The following TLN2 variants were observed in gnomAD, a reference collection of about 807,000 sequenced individuals.
TLN2 encodes the protein talin-2.
TLN2 carries 118 observed loss-of-function variants against 294.7 expected under a neutral mutation model. The ratio of observed to expected loss-of-function variants is 0.40; its 90% CI spans 0.34 to 0.47. The LOEUF (loss-of-function observed/expected upper bound fraction) is 0.47. Among genes scored for constraint, TLN2 ranks in the 20% least tolerant of loss-of-function variants. The probability of loss-of-function intolerance (pLI) is 0.84; values close to 1 mark genes in which losing one functional copy is unlikely to be tolerated. For synonymous variants in TLN2, 1,431 were observed against 1,304.5 expected (o/e 1.10, Z -2.09); for missense variants, 3,083 against 3,282.2 (o/e 0.94, Z 1.48).
At chr15:62,795,152 A>T (rs767259974) in intron 46 of TLN2, among the ~76,000 whole-genome samples, 39 of 152,158 alleles carry the variant, frequency 2.6e-4, no homozygotes, top group Non-Finnish European at 4.4e-4. Context: ...AGGATGATAC[A>T]TCCGTGCTTG....
chr15:62,406,521 G>C (rs2033416125), intron 1 of TLN2, among the ~76,000 whole-genome samples: 2 of 152,208 alleles, frequency 1.3e-5, no homozygotes, highest in Non-Finnish European at 1.5e-5. Context: ...TAGCAGCTCA[G>C]GGCAGTTTTG....
chr15:62,674,011 A>C (rs2055822637), intron 10 of TLN2, 121 bp downstream of exon 10: 1 of 624,716 alleles, frequency 1.6e-6, no homozygotes, highest in Non-Finnish European at 2.7e-6. Flanking sequence ...ATAATAAATG[A>C]TTAGTGACTC....
In TLN2 at chr15:62,776,862, G is replaced by A; in HGVS notation, c.5466G>A (p.Val1822=). The change falls in exon 43 of 59, where the codon GTG becomes GTA. Residue 1822 remains valine, a synonymous_variant. Transcript: ENST00000636159. ...MVTLNEAASE[V]GLVGGMVDAI... The stretch of plus-strand genomic sequence containing the variant: ...CGCTGAACGAAGCTGCCAGTGAAGT[G>A]GGGCTGGTTGGGGGCATGGTGGACG... 3 of 1,599,192 alleles carry A rather than the reference G, an allele frequency of 1.9e-6. No homozygotes were observed. Among genetic ancestry groups the A allele is most frequent in the African/African-American group, 1.4e-5 (1 of 73,972 alleles).
At chr15:62,417,115 G>A (rs1303017985) in intron 1 of TLN2, among the ~76,000 whole-genome samples, 2 of 152,118 alleles carry the variant, frequency 1.3e-5, no homozygotes, top group African/African-American at 4.8e-5. Context: ...GCACCCTTTG[G>A]CAAGGTCACC....
At chr15:62,453,258 ATT>A (rs35433926) in intron 1 of TLN2, among the ~76,000 whole-genome samples, 291 of 143,346 alleles carry the variant, frequency 2.0e-3, no homozygotes, top group Middle Eastern at 3.6e-3. Context: ...TTGTCAACCT[ATT>A]TTTTTTTTTT....
intron 1 of TLN2, among the ~76,000 whole-genome samples, chr15:62,495,473 A>G (rs755924744): frequency 7.2e-5 from 11 of 152,208 alleles, no homozygotes; most frequent in Non-Finnish European, 1.5e-4. Context: ...GATTAGGGGT[A>G]AAGTGGGACC....
At position 62,647,399 on chromosome 15, in the gene TLN2, C is replaced by T. The variant is rs182556346; in HGVS notation, c.89C>T (p.Ala30Val). 6.2e-5 allele frequency: 100 copies of T among 1,614,190 alleles called. No homozygotes were observed. In the Admixed American group the frequency reaches 9.2e-4, roughly 15 times the overall value. Residue 30 changes from alanine (A) to valine (V), a missense_variant, in exon 4 of 59, where the codon GCG (alanine) becomes GTG (valine). Ala to Val is a moderately conservative substitution (Grantham distance 64). Transcript: ENST00000636159. Reference protein sequence around the residue: ...QFEPSTAVYDACRVIRERVPE... With the variant: ...QFEPSTAVYDVCRVIRERVPE... ...GAACCATCTACAGCTGTGTACGATG[C>T]GTGTCGAGTCATTCGGGAACGGGTG... is the stretch of plus-strand genomic sequence containing the variant.
At chr15:62,699,259 A>G (rs572528491) in intron 16 of TLN2, among the ~76,000 whole-genome samples, 1 of 152,310 alleles carries the variant, frequency 6.6e-6, no homozygotes, top group African/African-American at 2.4e-5. Flanking sequence ...CCCCTCGCAC[A>G]TAGTAAGAGC....
rs1166396798 is a variant in TLN2, at chr15:62,530,510, C to T, written c.-237-59177C>T. ...TAGTTGGGATTACAGGCACGCGCCA[C>T]CATGCCCGGCTAATTTTTGTATTTT... On this transcript the variant is annotated intron_variant, in intron 1 of 58. Coordinates refer to ENST00000636159, the MANE Select transcript of TLN2 (RefSeq NM_015059.3). 2.0e-5 allele frequency among the ~76,000 whole-genome samples: 3 copies of T among 152,132 alleles called. No individual in the cohort carries two copies. The East Asian group carries it at 5.8e-4, about 29-fold the overall frequency.
chr15:62,429,765 C>A (rs2034915375), intron 1 of TLN2, among the ~76,000 whole-genome samples: 1 of 152,176 alleles, frequency 6.6e-6, no homozygotes, highest in African/African-American at 2.4e-5. Flanking sequence ...ATACCAGAAA[C>A]TTTCTAGAAG....
chr15:62,583,526 A>G (rs1382874455), intron 1 of TLN2, among the ~76,000 whole-genome samples: 1 of 151,972 alleles, frequency 6.6e-6, no homozygotes, highest in Non-Finnish European at 1.5e-5. Flanking sequence ...ATTACAAAAG[A>G]TGGGAGACTA....
At chr15:62,520,192 T>C (rs1021715499) in intron 1 of TLN2, among the ~76,000 whole-genome samples, 1 of 152,250 alleles carries the variant, frequency 6.6e-6, no homozygotes, top group East Asian at 1.9e-4. Flanking sequence ...TGAGATTTGT[T>C]AGGGACACAG....
At position 62,417,683 on chromosome 15, in the gene TLN2, G is replaced by C. The variant is rs1037588994; in HGVS notation, c.-238+26998G>C. Among the ~76,000 whole-genome samples, 8 of 152,176 alleles carry C rather than the reference G, an allele frequency of 5.3e-5. 1 individual carries two copies. Among genetic ancestry groups the C allele is most frequent in the Admixed American group, 5.2e-4 (8 of 15,278 alleles). On this transcript the variant is annotated intron_variant, in intron 1 of 58. Coordinates refer to ENST00000636159, the MANE Select transcript of TLN2 (RefSeq NM_015059.3). ...GTTTGTGAATTTAGAGCTAAGAAAA[G>C]CTTCTCAGGGCTACAGGCTCTGGTG... is the stretch of plus-strand genomic sequence containing the variant.
At chr15:62,813,016 C>A (rs1415634335) in intron 52 of TLN2, among the ~76,000 whole-genome samples, 8 of 152,186 alleles carry the variant, frequency 5.3e-5, no homozygotes, top group African/African-American at 1.9e-4. Context: ...GGGAGACCCA[C>A]CATCACAGGT....
At position 62,736,966 on chromosome 15, in the gene TLN2, C is replaced by T. The variant is rs376384348; in HGVS notation, c.3447C>T (p.Ala1149=). The T allele has an allele frequency of 9.5e-5, 153 of 1,614,046 alleles. No homozygotes were observed. The highest frequency in any genetic ancestry group is 1.2e-4 in the Non-Finnish European group (136 of 1,180,044). The stretch of plus-strand genomic sequence containing the variant: ...CTGCATCGACAACCGACCCCGCGGC[C>T]GCCCATGCCATGTTAGATTCTGCTC... ...GVAASTTDPA[A]AHAMLDSARD... Residue 1149 remains alanine, a synonymous_variant, in exon 29 of 59, where the codon GCC becomes GCT. Coordinates refer to ENST00000636159, the MANE Select transcript of TLN2 (RefSeq NM_015059.3).
rs117827458 is a variant in TLN2, at chr15:62,428,891, C to T, written c.-238+38206C>T. Among the ~76,000 whole-genome samples, 126 of 152,286 alleles carry T rather than the reference C, an allele frequency of 8.3e-4. 2 individuals are homozygous for T. In the East Asian group the frequency reaches 0.021, roughly 26 times the overall value. On this transcript the variant is annotated intron_variant, in intron 1 of 58. Coordinates refer to ENST00000636159, the MANE Select transcript of TLN2 (RefSeq NM_015059.3). ...AGTATGCATTAATTCTTGATCCTGA[C>T]TGATCTTCAAGAATCACCTGGGACG...
intron 55 of TLN2, chr15:62,835,315 G>GT (rs1186543830): frequency 5.1e-6 from 1 of 196,890 alleles, no homozygotes; most frequent in Non-Finnish European, 1.0e-5. Flanking sequence ...ACGCAGTGTG[G>GT]TTTTCAGGGT....
At chr15:62,531,199 TAAAG>T (rs1421297388) in intron 1 of TLN2, among the ~76,000 whole-genome samples, 2 of 152,194 alleles carry the variant, frequency 1.3e-5, no homozygotes, top group Non-Finnish European at 2.9e-5. Context: ...GATGAATAGA[TAAAG>T]AAAATATGGT....
intron 33 of TLN2, among the ~76,000 whole-genome samples, chr15:62,748,837 G>T (rs1204619930): frequency 6.6e-6 from 1 of 152,198 alleles, no homozygotes; most frequent in Non-Finnish European, 1.5e-5. Flanking sequence ...GGCTGAGATA[G>T]GTGTTCTTTT....
Sources: allele counts gnomAD v4.1 joint callset (sites outside exome capture counted in the v4.1 genomes callset), GRCh38; gene constraint gnomAD v4.1.1; transcripts MANE v1.5; gene names NCBI Gene and HGNC (gene_info 2026-07-23, HGNC 2026-07-21).